Variants in TTC23 observed in about 807,000 individuals in gnomAD.
TTC23 encodes tetratricopeptide repeat protein 23.
TTC23 carries 58 observed loss-of-function variants against 55.1 expected under a neutral mutation model. The observed-to-expected ratio is 1.05, with a 90% CI of 0.85 to 1.31. The LOEUF (loss-of-function observed/expected upper bound fraction) is 1.31. TTC23 is among the 50% of genes most tolerant of loss of function. TTC23 has a pLI of 0.00. For missense variants in TTC23, 516 were observed against 534.4 expected, an observed-to-expected ratio of 0.97 and a Z score of 0.34; for synonymous variants, 203 against 199.9, an observed-to-expected ratio of 1.02 and a Z score of -0.13.
intron 8 of TTC23, 103 bp downstream of exon 8, chr15:99,218,485 C>T (rs2152043785): frequency 1.4e-6 from 2 of 1,476,834 alleles, no homozygotes; most frequent in East Asian, 4.5e-5. Context: ...CCAGAGAAGC[C>T]ATGGCCGCAG....
intron 5 of TTC23, among the ~76,000 whole-genome samples, chr15:99,223,754 C>T (rs1240587685): frequency 6.6e-6 from 1 of 152,214 alleles, no homozygotes; most frequent in Non-Finnish European, 1.5e-5. Context: ...CCAGCTGATG[C>T]TGTGCGGAGC....
At chr15:99,190,455 A>G (rs1321123372) in intron 9 of TTC23, among the ~76,000 whole-genome samples, 1 of 152,070 alleles carries the variant, frequency 6.6e-6, no homozygotes, top group Non-Finnish European at 1.5e-5. Flanking sequence ...TTGTTCTTAT[A>G]AAACATACAC....
chr15:99,139,676 G>T, intron 12 of TTC23: 3 of 1,404,938 alleles, frequency 2.1e-6, no homozygotes, highest in Non-Finnish European at 2.8e-6. Flanking sequence ...AAAAATAAAG[G>T]CAAGAACCTT....
At chr15:99,206,312 C>T (rs899086839) in intron 8 of TTC23, among the ~76,000 whole-genome samples, 6 of 152,042 alleles carry the variant, frequency 3.9e-5, no homozygotes, top group Admixed American at 6.6e-5. Flanking sequence ...ATTGAGACAA[C>T]GCGGACCTCA....
Position 99,173,185 on chromosome 15 carries a change from T to C in TTC23, c.865+1865A>G, listed in dbSNP as rs977818762. 4.6e-5 allele frequency among the ~76,000 whole-genome samples: 7 copies of C among 152,352 alleles called. No individual in the cohort carries two copies. In the South Asian group the frequency reaches 1.2e-3, roughly 27 times the overall value. The stretch of plus-strand genomic sequence containing the variant: ...ACGCCCCCAAGGAAAACAGGAAAGA[T>C]CTGACAGCAACCTGTCACTCTTGCT... On this transcript the variant is annotated intron_variant, in intron 10 of 13. Transcript: ENST00000394132.
intron 12 of TTC23, among the ~76,000 whole-genome samples, chr15:99,143,014 G>A (rs1455909895): frequency 1.3e-5 from 2 of 150,366 alleles, no homozygotes; most frequent in Admixed American, 6.6e-5. Flanking sequence ...CCTTACTAAG[G>A]AGATTTGTCC....
At chr15:99,206,529 C>T (rs2076641841) in intron 8 of TTC23, among the ~76,000 whole-genome samples, 1 of 152,118 alleles carries the variant, frequency 6.6e-6, no homozygotes, top group African/African-American at 2.4e-5. Flanking sequence ...CATAGTTCAA[C>T]TGTAACAGGT....
chr15:99,206,879 T>A (rs2076671881), intron 8 of TTC23, among the ~76,000 whole-genome samples: 1 of 152,154 alleles, frequency 6.6e-6, no homozygotes, highest in African/African-American at 2.4e-5. Context: ...TCTAGTTCCT[T>A]ATGACACATT....
chr15:99,146,842 C>G (rs2068922959), intron 12 of TTC23, among the ~76,000 whole-genome samples: 2 of 152,356 alleles, frequency 1.3e-5, no homozygotes, highest in African/African-American at 4.8e-5. Context: ...GCTGATGATG[C>G]CAGGGAGGCC....
chr15:99,197,513 CAT>C (rs773783443), intron 9 of TTC23, among the ~76,000 whole-genome samples: 12 of 152,050 alleles, frequency 7.9e-5, no homozygotes, highest in Non-Finnish European at 1.3e-4. Context: ...TAAAAACATC[CAT>C]ATTTAGCACT....
At chr15:99,243,320 A>T (rs536314012) in intron 2 of TTC23, among the ~76,000 whole-genome samples, 1 of 152,324 alleles carries the variant, frequency 6.6e-6, no homozygotes. Flanking sequence ...CCCAGTTAAG[A>T]TGGCTTTTAT....
intron 9 of TTC23, among the ~76,000 whole-genome samples, chr15:99,187,928 C>A (rs1003234607): frequency 1.3e-5 from 2 of 151,984 alleles, no homozygotes; most frequent in African/African-American, 4.8e-5. Context: ...TGGAAAATAG[C>A]ATAGTAGTTC....
At chr15:99,237,944 T>C (rs967308823) in intron 3 of TTC23, among the ~76,000 whole-genome samples, 2 of 152,150 alleles carry the variant, frequency 1.3e-5, no homozygotes, top group East Asian at 1.9e-4. Context: ...TTTCATCCTA[T>C]TGCAACTTGT....
At chr15:99,156,083 G>A in intron 12 of TTC23, 65 bp downstream of exon 12, 1 of 1,604,248 alleles carries the variant, frequency 6.2e-7, no homozygotes, top group African/African-American at 1.3e-5. Flanking sequence ...CCACAAGGGA[G>A]AGAAATTGAC....
At chr15:99,199,119 A>G (rs924817413) in intron 9 of TTC23, among the ~76,000 whole-genome samples, 3 of 152,186 alleles carry the variant, frequency 2.0e-5, no homozygotes, top group African/African-American at 7.2e-5. Flanking sequence ...ATGACCCTGG[A>G]TAATATCGGT....
At chr15:99,183,302 G>A (rs964310017) in intron 9 of TTC23, among the ~76,000 whole-genome samples, 1 of 151,708 alleles carries the variant, frequency 6.6e-6, no homozygotes, top group African/African-American at 2.4e-5. Flanking sequence ...TAGGGCATCT[G>A]GTGGAAGAAA....
chr15:99,146,727 C>G (rs1321206386), intron 12 of TTC23, among the ~76,000 whole-genome samples: 1 of 152,236 alleles, frequency 6.6e-6, no homozygotes, highest in Non-Finnish European at 1.5e-5. Flanking sequence ...TCTGTGTACA[C>G]TACAAATCAA....
chr15:99,181,851 G>A (rs1377087678), intron 9 of TTC23, among the ~76,000 whole-genome samples: 3 of 152,156 alleles, frequency 2.0e-5, no homozygotes, highest in Non-Finnish European at 4.4e-5. Flanking sequence ...TGAGTTCTGA[G>A]GGCCCTGGAC....
intron 9 of TTC23, among the ~76,000 whole-genome samples, chr15:99,190,582 T>C (rs1246937558): frequency 6.6e-6 from 1 of 152,206 alleles, no homozygotes; most frequent in African/African-American, 2.4e-5. Flanking sequence ...TATGTTTGTA[T>C]GTATGTCTAT....
Sources: gnomAD v4.1 joint callset for allele counts (sites outside exome capture counted in the v4.1 genomes callset) on GRCh38, gnomAD v4.1.1 for gene constraint, MANE v1.5 for transcripts, NCBI Gene and HGNC (gene_info 2026-07-23, HGNC 2026-07-21) for gene names.